The following LRRTM4 variants were observed in gnomAD, a reference collection of about 807,000 sequenced individuals.
The protein encoded by LRRTM4 is leucine-rich repeat transmembrane neuronal protein 4.
A neutral mutation model predicts 47.6 loss-of-function variants in LRRTM4; 25 were observed. The ratio of observed to expected loss-of-function variants is 0.53; its 90% CI spans 0.38 to 0.73. LRRTM4 has a LOEUF of 0.73. LRRTM4 is among the 30% of genes least tolerant of loss of function. The pLI, the probability that LRRTM4 is intolerant of heterozygous loss-of-function variation, is 0.00. For synonymous variants in LRRTM4, 311 were observed against 269.5 expected (o/e 1.15, Z -1.51); for missense variants, 638 against 713.4 (o/e 0.89, Z 1.20).
chr2:77,316,257 T>C (rs572835606), intron 3 of LRRTM4, among the ~76,000 whole-genome samples: 1 of 152,288 alleles, frequency 6.6e-6, no homozygotes, highest in Non-Finnish European at 1.5e-5. Context: ...AGATAATATA[T>C]GTAAAGCACT....
chr2:76,779,189 T>C (rs79661372), intron 3 of LRRTM4, among the ~76,000 whole-genome samples: 11,290 of 152,112 alleles, frequency 0.074, 783 homozygotes, highest in East Asian at 0.28. Flanking sequence ...AAGTATGTGG[T>C]CATGTTTGGA....
rs150315407 is a variant in LRRTM4, at chr2:76,878,229, T to C, written c.1552-129313A>G. 4.3e-3 allele frequency among the ~76,000 whole-genome samples: 647 copies of C among 152,232 alleles called. 8 individuals carry two copies. Among genetic ancestry groups the C allele is most frequent in the African/African-American group, 0.015 (612 of 41,544 alleles). On this transcript the variant is annotated intron_variant, in intron 3 of 3. Transcript: ENST00000409884. ...CTCATATAAAACATGGCAAACTTAA[T>C]TGATAAATGTTATATGTATATGTTC...
chr2:77,083,520 G>C (rs1481062972), intron 3 of LRRTM4, among the ~76,000 whole-genome samples: 1 of 151,988 alleles, frequency 6.6e-6, no homozygotes, highest in Admixed American at 6.6e-5. Context: ...GACCAAATTA[G>C]CTACACAGCA....
At chr2:76,940,407 G>A (rs1675096092) in intron 3 of LRRTM4, among the ~76,000 whole-genome samples, 1 of 152,134 alleles carries the variant, frequency 6.6e-6, no homozygotes, top group Admixed American at 6.5e-5. Flanking sequence ...GATACCACCT[G>A]TTCTCACTTA....
intron 3 of LRRTM4, among the ~76,000 whole-genome samples, chr2:76,807,599 A>G (rs1403798624): frequency 1.3e-5 from 2 of 149,648 alleles, no homozygotes; most frequent in Non-Finnish European, 3.0e-5. Flanking sequence ...TTATTTTATT[A>G]TTATTATTTT....
intron 3 of LRRTM4, among the ~76,000 whole-genome samples, chr2:77,094,017 A>ACT (rs34345710): frequency 0.43 from 64,925 of 150,980 alleles, 17,025 homozygotes; most frequent in African/African-American, 0.72. Flanking sequence ...CCCTTCGCTG[A>ACT]CTCTTTTCGG....
chr2:77,457,071 G>C (rs1676591816), intron 3 of LRRTM4, among the ~76,000 whole-genome samples: 1 of 99,098 alleles, frequency 1.0e-5, no homozygotes, highest in Non-Finnish European at 2.0e-5. Flanking sequence ...GGAACTCTTT[G>C]ACAAGCCTTT....
intron 3 of LRRTM4, among the ~76,000 whole-genome samples, chr2:77,013,800 T>C (rs10184102): frequency 6.6e-6 from 1 of 152,112 alleles, no homozygotes; most frequent in African/African-American, 2.4e-5. Context: ...TTAAGAGTTA[T>C]ATATTTACCC....
At chr2:76,823,184 C>G (rs1202003300) in intron 3 of LRRTM4, among the ~76,000 whole-genome samples, 2 of 151,200 alleles carry the variant, frequency 1.3e-5, no homozygotes, top group Non-Finnish European at 3.0e-5. Context: ...ATGTTGATAT[C>G]AATTGAGTAT....
At chr2:77,246,479 C>A (rs1159397310) in intron 3 of LRRTM4, among the ~76,000 whole-genome samples, 1 of 152,040 alleles carries the variant, frequency 6.6e-6, no homozygotes, top group Non-Finnish European at 1.5e-5. Flanking sequence ...AAATTAAAAT[C>A]AAATTAAATT....
intron 3 of LRRTM4, among the ~76,000 whole-genome samples, chr2:77,487,669 C>T (rs80190024): frequency 0.052 from 7,912 of 152,066 alleles, 255 homozygotes; most frequent in Middle Eastern, 0.1. Context: ...CACCAAAGGC[C>T]GAAGCCCCAC....
At chr2:76,907,886 G>C (rs1482848216) in intron 3 of LRRTM4, among the ~76,000 whole-genome samples, 11 of 143,976 alleles carry the variant, frequency 7.6e-5, no homozygotes, top group African/African-American at 2.9e-4. Flanking sequence ...AGGACCAGAT[G>C]GATTTACAGC....
intron 3 of LRRTM4, among the ~76,000 whole-genome samples, chr2:77,036,258 A>C (rs1678833660): frequency 6.6e-6 from 1 of 151,774 alleles, no homozygotes; most frequent in Admixed American, 6.6e-5. Flanking sequence ...TTGCAAAATA[A>C]ATTTTATTTA....
At chr2:77,001,868 G>A (rs775952542) in intron 3 of LRRTM4, among the ~76,000 whole-genome samples, 1 of 151,946 alleles carries the variant, frequency 6.6e-6, no homozygotes, top group Non-Finnish European at 1.5e-5. Flanking sequence ...CTTTCTTTTC[G>A]AGAAATATCT....
chr2:77,242,052 A>C (rs1419922099), intron 3 of LRRTM4, among the ~76,000 whole-genome samples: 1 of 152,134 alleles, frequency 6.6e-6, no homozygotes, highest in African/African-American at 2.4e-5. Flanking sequence ...GCTTTATAAC[A>C]AGTTTGAAAA....
chr2:77,138,066 T>A (rs555346441), intron 3 of LRRTM4, among the ~76,000 whole-genome samples: 1 of 152,196 alleles, frequency 6.6e-6, no homozygotes, highest in East Asian at 1.9e-4. Flanking sequence ...GACAGATCAA[T>A]GAGACAGAAA....
chr2:76,813,267 T>G (rs550053983), intron 3 of LRRTM4, among the ~76,000 whole-genome samples: 1 of 152,316 alleles, frequency 6.6e-6, no homozygotes, highest in East Asian at 1.9e-4. Flanking sequence ...CACTGGGGAA[T>G]TGTTTATAGG....
intron 3 of LRRTM4, among the ~76,000 whole-genome samples, chr2:77,115,310 T>TTCATATTG: frequency 6.6e-6 from 1 of 152,188 alleles, no homozygotes; most frequent in Non-Finnish European, 1.5e-5. Flanking sequence ...TCCTGTTCTT[T>TTCATATTG]TTCAGGGTGC....
chr2:77,014,521 G>A (rs1039165534), intron 3 of LRRTM4, among the ~76,000 whole-genome samples: 1 of 136,950 alleles, frequency 7.3e-6, no homozygotes, highest in Admixed American at 7.6e-5. Flanking sequence ...TATATATAAA[G>A]ATTTTATAGG....
Sources: allele counts gnomAD v4.1 joint callset (sites outside exome capture counted in the v4.1 genomes callset), GRCh38; gene constraint gnomAD v4.1.1; transcripts MANE v1.5; gene names NCBI Gene and HGNC (gene_info 2026-07-23, HGNC 2026-07-21).